Variants in AAGAB observed in about 807,000 individuals in gnomAD.
AAGAB encodes the protein alpha- and gamma-adaptin-binding protein p34.
In AAGAB, 38 loss-of-function variants were observed where a neutral mutation model predicts 44.1. That is an observed-to-expected ratio of 0.86 (90% CI 0.67 to 1.13). AAGAB has a LOEUF of 1.13. AAGAB is among the 50% of genes most tolerant of loss of function. AAGAB has a pLI of 0.00. For synonymous variants in AAGAB, 131 were observed against 131.8 expected (o/e 0.99, Z 0.04); for missense variants, 450 against 373.8 (o/e 1.20, Z -1.68).
chr15:67,251,299 A>T (rs1964867296), intron 1 of AAGAB, among the ~76,000 whole-genome samples: 1 of 152,042 alleles, frequency 6.6e-6, no homozygotes, highest in Non-Finnish European at 1.5e-5. Context: ...GCTGGAGGGC[A>T]GTAGCACCAT....
intron 4 of AAGAB, among the ~76,000 whole-genome samples, chr15:67,232,280 C>T (rs937751527): frequency 4.0e-5 from 6 of 151,024 alleles, no homozygotes; most frequent in Non-Finnish European, 7.4e-5. Context: ...ACGTATATAT[C>T]CTCCAAGCCA....
At chr15:67,205,773 G>A (rs756186885) in intron 7 of AAGAB, among the ~76,000 whole-genome samples, 1 of 152,164 alleles carries the variant, frequency 6.6e-6, no homozygotes, top group Non-Finnish European at 1.5e-5. Context: ...AGTGAGGTGA[G>A]GAGCAAATGG....
chr15:67,232,035 CCT>C, intron 4 of AAGAB, 138 bp from the exon 5 acceptor site: 1 of 602,578 alleles, frequency 1.7e-6, no homozygotes, highest in Non-Finnish European at 3.0e-6. Flanking sequence ...GGGCAGATTA[CCT>C]GAGGTCGGGA....
chr15:67,225,293 C>G (rs1329383733), intron 5 of AAGAB, among the ~76,000 whole-genome samples: 1 of 152,238 alleles, frequency 6.6e-6, no homozygotes, highest in Non-Finnish European at 1.5e-5. Context: ...CTATCAGCTG[C>G]TATTAGTATC....
At chr15:67,253,873 G>A (rs1964977055) in intron 1 of AAGAB, among the ~76,000 whole-genome samples, 1 of 152,174 alleles carries the variant, frequency 6.6e-6, no homozygotes, top group East Asian at 1.9e-4. Context: ...GAAGTCTTGA[G>A]TTACCTATAA....
chr15:67,228,161 G>A (rs1164906995), intron 5 of AAGAB, among the ~76,000 whole-genome samples: 2 of 152,166 alleles, frequency 1.3e-5, no homozygotes, highest in African/African-American at 4.8e-5. Context: ...TATATTACAA[G>A]GCAATAGTTC....
intron 1 of AAGAB, among the ~76,000 whole-genome samples, chr15:67,251,619 C>G (rs1434420474): frequency 6.6e-6 from 1 of 152,128 alleles, no homozygotes; most frequent in African/African-American, 2.4e-5. Flanking sequence ...GTTAAAAGCA[C>G]TAAGATAGAT....
At position 67,253,883 on chromosome 15, in the gene AAGAB, A is replaced by G. The variant is rs77795133; in HGVS notation, c.73+676T>C. On this transcript the variant is annotated intron_variant, in intron 1 of 9. Transcript: ENST00000261880. The stretch of plus-strand genomic sequence containing the variant: ...AAACAGAAGTCTTGAGTTACCTATA[A>G]TTCAACTTCACAGAGCCCTTTAGTA... Among the ~76,000 whole-genome samples, 1,341 of 152,322 alleles carry G rather than the reference A, an allele frequency of 8.8e-3. 18 individuals carry two copies. Among genetic ancestry groups the G allele is most frequent in the African/African-American group, 0.031 (1,284 of 41,574 alleles).
chr15:67,233,434 T>C (rs12898685), intron 4 of AAGAB, among the ~76,000 whole-genome samples: 31,717 of 152,058 alleles, frequency 0.21, 4,037 homozygotes, highest in East Asian at 0.47. Context: ...ACAAAGGAAA[T>C]GGGGATCCTG....
rs373768307 is a variant in AAGAB at position 67,231,929 on chromosome 15, A to G, written c.452-32T>C. ...AGGGAGGGGAAATATATATATTTAT[A>G]TGCAACACTCACACAGATATACATA... is the stretch of plus-strand genomic sequence containing the variant. On this transcript the variant is annotated intron_variant, in intron 4 of 9. Transcript: ENST00000261880. 75 of 1,536,616 alleles carry G rather than the reference A, an allele frequency of 4.9e-5. 1 individual carries two copies. Among genetic ancestry groups the G allele is most frequent in the Non-Finnish European group, 6.3e-5 (70 of 1,111,970 alleles).
At chr15:67,253,285 G>A (rs1964934406) in intron 1 of AAGAB, among the ~76,000 whole-genome samples, 1 of 148,086 alleles carries the variant, frequency 6.8e-6, no homozygotes, top group African/African-American at 2.6e-5. Context: ...GCAATTAGCC[G>A]GGCGTGGTGG....
intron 1 of AAGAB, among the ~76,000 whole-genome samples, chr15:67,242,100 TAACC>T (rs1964612794): frequency 6.6e-6 from 1 of 152,106 alleles, no homozygotes; most frequent in Admixed American, 6.5e-5. Flanking sequence ...GAGTTTTCAT[TAACC>T]AGCAAGCGAA....
chr15:67,210,780 T>G (rs1178558310), intron 5 of AAGAB, among the ~76,000 whole-genome samples: 1 of 152,190 alleles, frequency 6.6e-6, no homozygotes, highest in East Asian at 1.9e-4. Context: ...GATCATGGAA[T>G]CTCAACTTTT....
At chr15:67,206,729 T>TA (rs1303928105) in intron 7 of AAGAB, among the ~76,000 whole-genome samples, 5 of 152,234 alleles carry the variant, frequency 3.3e-5, no homozygotes, top group South Asian at 2.1e-4. Context: ...GGTTGGTCCC[T>TA]ATGCCCTTTC....
At chr15:67,227,327 ATT>A (rs958861779) in intron 5 of AAGAB, among the ~76,000 whole-genome samples, 1 of 147,388 alleles carries the variant, frequency 6.8e-6, no homozygotes, top group African/African-American at 2.5e-5. Context: ...CAATACCTCT[ATT>A]TTTTTTTTTA....
At chr15:67,238,743 T>G (rs1964527939) in intron 1 of AAGAB, among the ~76,000 whole-genome samples, 1 of 150,770 alleles carries the variant, frequency 6.6e-6, no homozygotes, top group Non-Finnish European at 1.5e-5. Flanking sequence ...TTGCGCAGGC[T>G]GGAGTGCAGT....
chr15:67,250,065 G>C (rs1195068540), intron 1 of AAGAB, among the ~76,000 whole-genome samples: 1 of 152,186 alleles, frequency 6.6e-6, no homozygotes, highest in African/African-American at 2.4e-5. Flanking sequence ...CAAGTTTCCA[G>C]GGACTTTTCT....
intron 1 of AAGAB, among the ~76,000 whole-genome samples, chr15:67,246,783 C>T (rs970127615): frequency 5.3e-5 from 8 of 151,914 alleles, no homozygotes; most frequent in South Asian, 4.2e-4. Flanking sequence ...TCTGCAAAAA[C>T]GCACCAATCA....
rs1963590631 is a variant in AAGAB at position 67,202,546 on chromosome 15, AT to A, written c.*274del. The A allele has an allele frequency of 2.6e-5, 10 of 387,364 alleles. No homozygotes were observed. In the Admixed American group the frequency reaches 4.0e-4, roughly 15 times the overall value. The allele number at this position is 387,364 out of a possible 1,614,324, so 24.0% of individuals were successfully genotyped here. ...TGAGTAAATCACACAGACCTCTGAG[AT>A]TTATCCTACCCTCATTCCTAGAACA... is the stretch of plus-strand genomic sequence containing the variant. On this transcript the variant is annotated 3_prime_UTR_variant, in exon 10 of 10. Coordinates refer to ENST00000261880, the MANE Select transcript of AAGAB (RefSeq NM_024666.5).
Sources: gnomAD v4.1 joint callset for allele counts (sites outside exome capture counted in the v4.1 genomes callset) on GRCh38, gnomAD v4.1.1 for gene constraint, MANE v1.5 for transcripts, NCBI Gene and HGNC (gene_info 2026-07-23, HGNC 2026-07-21) for gene names.